PKP1: variants seen among roughly 807,000 people sequenced by gnomAD.
PKP1 encodes plakophilin 1.
In PKP1, 27 loss-of-function variants were observed where a neutral mutation model predicts 76.4. That is an observed-to-expected ratio of 0.35 (90% CI 0.26 to 0.49). PKP1 has a LOEUF of 0.49. PKP1 is among the 20% of genes least tolerant of loss of function. The pLI is 0.99. For missense variants in PKP1, 964 were observed against 955.2 expected (o/e 1.01, Z -0.12); for synonymous variants, 404 against 384.2 (o/e 1.05, Z -0.60).
chr1:201,313,443 C>T lies in PKP1; in HGVS notation c.584C>T (p.Ala195Val). The change falls in exon 3 of 14, where the codon GCC becomes GTC. Residue 195 changes from alanine (A) to valine (V), a missense_variant. By Grantham distance (64) the Ala-to-Val change is moderately conservative. Coordinates refer to ENST00000367324, the MANE Select transcript of PKP1 (RefSeq NM_001005337.3). ...SFYSTCSGQKAIKKCPVRPPS... is the reference protein window; with the variant it reads ...SFYSTCSGQKVIKKCPVRPPS... ...TACAGCACCTGCAGTGGTCAGAAGG[C>T]CATAAAGAAGTGCCCTGTGCGCCCG... The T allele has an allele frequency of 6.2e-7, 1 of 1,605,460 alleles. No homozygotes were observed. Among genetic ancestry groups the T allele is most frequent in the Non-Finnish European group, 8.5e-7 (1 of 1,176,198 alleles).
rs1656056940 is a variant in PKP1 at position 201,295,899 on chromosome 1, A to AG, written c.306+1854_306+1855insG. ...AGGTGTTTCTAAAGAAAAAAAAAAA[A>AG]TCTTCATTTGGCCCATGTTGAACAT... On this transcript the variant is annotated intron_variant, in intron 2 of 13. Coordinates refer to ENST00000367324, the MANE Select transcript of PKP1 (RefSeq NM_001005337.3). Among the ~76,000 whole-genome samples, 2 of 147,010 alleles carry AG rather than the reference A, an allele frequency of 1.4e-5. 1 individual carries two copies. Among genetic ancestry groups the AG allele is most frequent in the Middle Eastern group, 6.5e-3 (2 of 310 alleles).
At chr1:201,292,140 C>T (rs556058916) in intron 1 of PKP1, among the ~76,000 whole-genome samples, 6 of 152,276 alleles carry the variant, frequency 3.9e-5, no homozygotes, top group East Asian at 1.9e-4. Flanking sequence ...AGGTGGCAAA[C>T]GAGGCGGTAG....
At chr1:201,307,639 T>A (rs1222214821) in intron 2 of PKP1, among the ~76,000 whole-genome samples, 2 of 152,170 alleles carry the variant, frequency 1.3e-5, no homozygotes, top group Non-Finnish European at 2.9e-5. Flanking sequence ...CTCTGCCCAA[T>A]ATCCCAGTCC....
chr1:201,332,572 T>A lies in PKP1; in HGVS notation c.*2531T>A, dbSNP rs1036328059. 1 of 152,096 alleles carries A rather than the reference T, an allele frequency of 6.6e-6. No homozygotes were observed. The highest frequency in any genetic ancestry group is 1.5e-5 in the Non-Finnish European group (1 of 68,018). 9.4% of individuals were successfully genotyped at this position (152,096 alleles called of 1,614,324 possible). ...AGGGCCAATGCCCAAAATAAGGAGT[T>A]CCAATTTGGGGCCAAATGAGGAAGG... On this transcript the variant is annotated 3_prime_UTR_variant, in exon 14 of 14. Coordinates refer to ENST00000367324, the MANE Select transcript of PKP1 (RefSeq NM_001005337.3).
At position 201,325,844 on chromosome 1, in the gene PKP1, A is replaced by G; in HGVS notation, c.2106+6A>G. On this transcript the variant is annotated splice_donor_region_variant and intron_variant, in intron 12 of 13. Transcript: ENST00000367324. ...TGCAGGGTGTCCTCAGACAGGTAAG[A>G]GCCCAGGACATCATCCTCTTCTGAG... The G allele has an allele frequency of 6.2e-7, 1 of 1,604,090 alleles. No individual in the cohort carries two copies. The highest frequency in any genetic ancestry group is 8.5e-7 in the Non-Finnish European group (1 of 1,170,982).
chr1:201,300,682 C>G (rs571725300), intron 2 of PKP1, among the ~76,000 whole-genome samples: 4 of 152,354 alleles, frequency 2.6e-5, no homozygotes, highest in African/African-American at 9.6e-5. Context: ...ACTCTGACGT[C>G]TGGCTTCTGT....
chr1:201,323,318 C>T, intron 9 of PKP1, 129 bp downstream of exon 9: 1 of 851,056 alleles, frequency 1.2e-6, no homozygotes, highest in Non-Finnish European at 1.9e-6. Flanking sequence ...GTGTGCCTGG[C>T]ATATGCTGGG....
chr1:201,305,084 C>T (rs1002705201), intron 2 of PKP1, among the ~76,000 whole-genome samples: 2 of 152,150 alleles, frequency 1.3e-5, no homozygotes, highest in African/African-American at 4.8e-5. Flanking sequence ...GTGTGTCCCA[C>T]GTGGGCAGGT....
intron 3 of PKP1, among the ~76,000 whole-genome samples, chr1:201,313,822 A>C (rs894791639): frequency 2.0e-5 from 3 of 152,276 alleles, no homozygotes; most frequent in African/African-American, 7.2e-5. Flanking sequence ...TTATGAACAG[A>C]AAGAGGCTAA....
At chr1:201,289,636 G>T (rs1013051546) in intron 1 of PKP1, among the ~76,000 whole-genome samples, 8 of 152,110 alleles carry the variant, frequency 5.3e-5, no homozygotes, top group Middle Eastern at 3.4e-3. Flanking sequence ...CCTTGCTTCA[G>T]GGAGCTCCCA....
intron 2 of PKP1, among the ~76,000 whole-genome samples, chr1:201,307,418 T>C (rs923401279): frequency 6.6e-6 from 1 of 152,044 alleles, no homozygotes; most frequent in African/African-American, 2.4e-5. Context: ...TCCCATCTGT[T>C]GTGACTCAGG....
At chr1:201,294,728 A>T (rs1446052481) in intron 2 of PKP1, among the ~76,000 whole-genome samples, 1 of 152,230 alleles carries the variant, frequency 6.6e-6, no homozygotes, top group African/African-American at 2.4e-5. Context: ...ACATGGATAG[A>T]GGTTATTTTA....
intron 2 of PKP1, among the ~76,000 whole-genome samples, chr1:201,305,257 C>T (rs542615738): frequency 1.1e-4 from 17 of 152,230 alleles, no homozygotes; most frequent in Non-Finnish European, 2.1e-4. Flanking sequence ...GTGGCTCACA[C>T]CTGTAATCCC....
At chr1:201,286,075 C>T (rs1307579749) in intron 1 of PKP1, among the ~76,000 whole-genome samples, 2 of 152,210 alleles carry the variant, frequency 1.3e-5, no homozygotes, top group East Asian at 3.9e-4. Context: ...CTTGTCTTCT[C>T]CATCAGAAAC....
At chr1:201,319,999 C>A in intron 6 of PKP1, 1 of 1,110,676 alleles carries the variant, frequency 9.0e-7, no homozygotes, top group Non-Finnish European at 1.4e-6. Flanking sequence ...TCATTTCAGC[C>A]TCAGCCAGGG....
intron 13 of PKP1, among the ~76,000 whole-genome samples, chr1:201,329,540 T>C (rs6697983): frequency 0.15 from 23,471 of 152,156 alleles, 2,489 homozygotes; most frequent in African/African-American, 0.3. Context: ...ATAGAGATAC[T>C]CCAGCCAGAT....
intron 3 of PKP1, chr1:201,316,329 C>T: frequency 3.5e-6 from 2 of 569,066 alleles, no homozygotes; most frequent in Admixed American, 3.2e-5. Flanking sequence ...ACCAGGGGCT[C>T]ACTATTCTCA....
intron 1 of PKP1, among the ~76,000 whole-genome samples, chr1:201,287,415 C>A (rs1453199307): frequency 6.6e-6 from 1 of 152,144 alleles, no homozygotes; most frequent in Non-Finnish European, 1.5e-5. Context: ...GAGCTTCTGC[C>A]CGAGTGTTCT....
chr1:201,302,324 G>T (rs1347436660), intron 2 of PKP1, among the ~76,000 whole-genome samples: 1 of 152,162 alleles, frequency 6.6e-6, no homozygotes, highest in Non-Finnish European at 1.5e-5. Context: ...GACCCCAGTG[G>T]ACTTTGAGCG....
Sources: allele counts gnomAD v4.1 joint callset (sites outside exome capture counted in the v4.1 genomes callset), GRCh38; gene constraint gnomAD v4.1.1; transcripts MANE v1.5; gene names NCBI Gene and HGNC (gene_info 2026-07-23, HGNC 2026-07-21).